The following EPG5 variants were observed in gnomAD, a reference collection of about 807,000 sequenced individuals.
EPG5 encodes the protein ectopic P granules protein 5 homolog.
Under a neutral mutation model 302.7 loss-of-function variants are expected in EPG5, and 159 were observed. The observed-to-expected ratio is 0.53, with a 90% CI of 0.46 to 0.60. The LOEUF (loss-of-function observed/expected upper bound fraction) is 0.60. EPG5 is among the 20% of genes least tolerant of loss of function. The probability of loss-of-function intolerance (pLI) is 0.00; values close to 1 mark genes in which losing one functional copy is unlikely to be tolerated. For synonymous variants in EPG5, 1,158 were observed against 1,136.8 expected, an observed-to-expected ratio of 1.02 and a Z score of -0.37; for missense variants, 2,896 against 3,092.4, an observed-to-expected ratio of 0.94 and a Z score of 1.51.
chr18:45,864,381 T>C (rs937559173), intron 39 of EPG5, among the ~76,000 whole-genome samples: 2 of 152,236 alleles, frequency 1.3e-5, no homozygotes, highest in African/African-American at 4.8e-5. Context: ...TTATAATCTT[T>C]ATATTTTTCA....
chr18:45,869,394 C>T (rs1442605029), intron 36 of EPG5, among the ~76,000 whole-genome samples: 1 of 152,126 alleles, frequency 6.6e-6, no homozygotes, highest in Non-Finnish European at 1.5e-5. Context: ...GTTTATTATG[C>T]CAACAAGACA....
chr18:45,966,419 C>CAT (rs1246785392), intron 1 of EPG5, among the ~76,000 whole-genome samples: 1 of 143,014 alleles, frequency 7.0e-6, no homozygotes, highest in Non-Finnish European at 1.5e-5. Flanking sequence ...TACACACACA[C>CAT]ATATGTATAT....
intron 42 of EPG5, 182 bp downstream of exon 42, chr18:45,857,671 C>T: frequency 1.8e-6 from 1 of 543,838 alleles, no homozygotes; most frequent in South Asian, 2.9e-5. Context: ...AATAAAAATG[C>T]TTTTTAGAAT....
At chr18:45,941,173 C>T (rs899523151) in intron 9 of EPG5, among the ~76,000 whole-genome samples, 1 of 152,136 alleles carries the variant, frequency 6.6e-6, no homozygotes, top group African/African-American at 2.4e-5. Flanking sequence ...ATGAAACAAC[C>T]AAGGAGGCAG....
At chr18:45,940,376 C>T (rs1459581718) in intron 9 of EPG5, among the ~76,000 whole-genome samples, 1 of 152,112 alleles carries the variant, frequency 6.6e-6, no homozygotes, top group Admixed American at 6.5e-5. Context: ...ACAGTAGGGT[C>T]CTGGGCAGAC....
intron 28 of EPG5, among the ~76,000 whole-genome samples, chr18:45,889,312 A>G (rs2049288345): frequency 1.3e-5 from 2 of 152,372 alleles, no homozygotes; most frequent in South Asian, 4.1e-4. Context: ...GCAAGTTCAC[A>G]ACCACACTTG....
At chr18:45,816,301 TAA>T in the EPG5 span, among the ~76,000 whole-genome samples, 9 of 151,912 alleles carry the variant, frequency 5.9e-5, no homozygotes, top group East Asian at 9.7e-4. Flanking sequence ...TTAATTAAAC[TAA>T]AGAGTTTCAG....
intron 27 of EPG5, 68 bp downstream of exon 27, chr18:45,899,336 T>C: frequency 6.4e-7 from 1 of 1,570,604 alleles, no homozygotes; most frequent in Non-Finnish European, 8.7e-7. Flanking sequence ...TCAATCTTTC[T>C]CATTGATAAG....
chr18:45,824,835 C>T, the EPG5 span, among the ~76,000 whole-genome samples: 1 of 152,054 alleles, frequency 6.6e-6, no homozygotes, highest in East Asian at 1.9e-4. Context: ...TGGTAACAGG[C>T]TCTGTGGGCC....
intron 16 of EPG5, 76 bp downstream of exon 16, chr18:45,922,265 C>T: frequency 6.5e-7 from 1 of 1,547,002 alleles, no homozygotes; most frequent in Non-Finnish European, 8.7e-7. Flanking sequence ...GGCCTCAGAA[C>T]TTGGGATATG....
intron 36 of EPG5, among the ~76,000 whole-genome samples, chr18:45,868,758 T>C (rs952533232): frequency 6.6e-6 from 1 of 151,900 alleles, no homozygotes; most frequent in African/African-American, 2.4e-5. Context: ...GTTTAAATTC[T>C]ATTTAAAATA....
chr18:45,805,186 T>G, the EPG5 span, among the ~76,000 whole-genome samples: 2 of 152,006 alleles, frequency 1.3e-5, no homozygotes. Context: ...TACCCTAGAT[T>G]GGCTCCTGAA....
chr18:45,829,718 G>A, the EPG5 span, among the ~76,000 whole-genome samples: 1 of 152,082 alleles, frequency 6.6e-6, no homozygotes, highest in East Asian at 1.9e-4. Flanking sequence ...CTGGCCACTC[G>A]TCAGCTGGTA....
rs201639757 is a variant in EPG5, at chr18:45,860,326, G to C, written c.6787C>G (p.His2263Asp). The C allele has an allele frequency of 6.0e-5, 97 of 1,614,132 alleles. No individual in the cohort carries two copies. In the African/African-American group the frequency reaches 1.2e-3, roughly 19 times the overall value. Reference protein sequence around the residue: ...NPPDMDSQTRHMALSSLFMEV... With the variant: ...NPPDMDSQTRDMALSSLFMEV... ...ATAAAGAGGCTGCTGAGGGCCATGTGGCGGGTCTGGCTGTCCATGTCTGAA... is the reference window on the plus strand; with the variant it reads ...ATAAAGAGGCTGCTGAGGGCCATGTCGCGGGTCTGGCTGTCCATGTCTGAA... Residue 2263 changes from histidine to aspartate, a missense_variant, in exon 40 of 44, where the codon CAC (histidine) becomes GAC (aspartate). By Grantham distance (81) the His-to-Asp change is moderately conservative (BLOSUM62 -1). Transcript: ENST00000282041.
chr18:45,936,720 C>CA (rs762675563), intron 10 of EPG5, among the ~76,000 whole-genome samples: 10,153 of 53,232 alleles, frequency 0.19, 981 homozygotes, highest in East Asian at 0.29. Context: ...GACTCCATTT[C>CA]AAAAAAAAAA....
the EPG5 span, among the ~76,000 whole-genome samples, chr18:45,808,981 G>A: frequency 6.6e-6 from 1 of 152,242 alleles, no homozygotes; most frequent in Admixed American, 6.5e-5. Flanking sequence ...ACTATCTGCT[G>A]CCTTCAGGAG....
intron 1 of EPG5, among the ~76,000 whole-genome samples, chr18:45,964,715 C>A (rs1341481933): frequency 1.3e-5 from 2 of 152,098 alleles, no homozygotes; most frequent in Non-Finnish European, 2.9e-5. Flanking sequence ...TGCCTGTAAT[C>A]CCAGCACTGT....
chr18:45,923,464 G>A, intron 14 of EPG5, 77 bp from the exon 15 acceptor site: 1 of 1,452,576 alleles, frequency 6.9e-7, no homozygotes. Context: ...CAAAACATTA[G>A]GCAGAATAGT....
In EPG5 at chr18:45,878,720, C is replaced by T. The variant is rs7228878; in HGVS notation, c.5870-272G>A. Among the ~76,000 whole-genome samples the T allele has an allele frequency of 9.2e-3, 1,401 of 152,242 alleles. 17 individuals carry two copies. Among genetic ancestry groups the T allele is most frequent in the African/African-American group, 0.026 (1,085 of 41,538 alleles). On this transcript the variant is annotated intron_variant, in intron 33 of 43. Coordinates refer to ENST00000282041, the MANE Select transcript of EPG5 (RefSeq NM_020964.3). ...AGATAAATGTATAAGATTTAGAACCCCATCTTAGTAAGACAAATGACAGAA... is the reference window on the plus strand; with the variant it reads ...AGATAAATGTATAAGATTTAGAACCTCATCTTAGTAAGACAAATGACAGAA...
Sources: allele counts gnomAD v4.1 joint callset (sites outside exome capture counted in the v4.1 genomes callset), GRCh38; gene constraint gnomAD v4.1.1; transcripts MANE v1.5; gene names NCBI Gene and HGNC (gene_info 2026-07-23, HGNC 2026-07-21).